Variants in SERPINA6 observed in about 807,000 individuals in gnomAD.
SERPINA6 encodes the protein corticosteroid-binding globulin.
SERPINA6 carries 19 observed loss-of-function variants against 26.4 expected under a neutral mutation model. The ratio of observed to expected loss-of-function variants is 0.72; its 90% CI spans 0.50 to 1.06. The LOEUF is 1.06. SERPINA6 is among the 50% of genes least tolerant of loss of function. SERPINA6 has a pLI of 0.00. For missense variants in SERPINA6, 473 were observed against 504.0 expected (o/e 0.94, Z 0.59); for synonymous variants, 196 against 199.4 (o/e 0.98, Z 0.14).
intron 3 of SERPINA6, 37 bp from the exon 4 acceptor site, chr14:94,306,255 G>A (rs777777231): frequency 3.1e-6 from 5 of 1,612,704 alleles, no homozygotes; most frequent in Admixed American, 3.3e-5. Context: ...GACATTCCAG[G>A]GCTGGGCCTG....
At chr14:94,310,392 G>A (rs906472342) in intron 2 of SERPINA6, among the ~76,000 whole-genome samples, 1 of 150,054 alleles carries the variant, frequency 6.7e-6, no homozygotes, top group African/African-American at 2.4e-5. Flanking sequence ...CAGAGTCCCT[G>A]GTGGGAAGCG....
chr14:94,320,101 G>C (rs1350266199), intron 1 of SERPINA6, among the ~76,000 whole-genome samples: 1 of 152,212 alleles, frequency 6.6e-6, no homozygotes, highest in Non-Finnish European at 1.5e-5. Flanking sequence ...CCTGTGCTGT[G>C]TGGAGCTACC....
At chr14:94,323,020 C>T (rs1895705643) in intron 1 of SERPINA6, among the ~76,000 whole-genome samples, 1 of 152,212 alleles carries the variant, frequency 6.6e-6, no homozygotes, top group Non-Finnish European at 1.5e-5. Context: ...TAGCTACAGC[C>T]CTCTGTGTCA....
rs1895574093 is a variant in SERPINA6 at position 94,314,123 on chromosome 14, T to C, written c.526A>G (p.Asn176Asp). ...TCGACAATTTTCCCCTGTGTCTTAT[T>C]CTTGACATAGCTGTTGATCTGTCTG... ...ASRQINSYVK[N>D]KTQGKIVDLF... Residue 176 changes from asparagine (N) to aspartate (D), a missense_variant, in exon 2 of 5, where the codon AAT becomes GAT. Physicochemically the swap from Asn to Asp is conservative, Grantham distance 23. Transcript: ENST00000341584. 6.2e-7 allele frequency: 1 copy of C among 1,614,210 alleles called. No homozygotes were observed. Among genetic ancestry groups the C allele is most frequent in the Non-Finnish European group, 8.5e-7 (1 of 1,180,036 alleles).
chr14:94,318,281 C>T (rs61980636), intron 1 of SERPINA6, among the ~76,000 whole-genome samples: 26,914 of 152,076 alleles, frequency 0.18, 3,191 homozygotes, highest in East Asian at 0.47. Flanking sequence ...CAATTCCTAT[C>T]AAAATTCCAG....
chr14:94,314,187 C>G lies in SERPINA6; in HGVS notation c.462G>C (p.Glu154Asp). 1 of 1,614,226 alleles carries G rather than the reference C, an allele frequency of 6.2e-7. No homozygotes were observed. The highest frequency in any genetic ancestry group is 1.1e-5 in the South Asian group (1 of 91,084). ...SADIKHYYES[E>D]VLAMNFQDWA... Reference sequence around the variant, plus strand: ...AGTCCTGGAAATTCATAGCCAAGACCTCTGACTCATAGTAGTGCTTGATGT... The same window carrying G: ...AGTCCTGGAAATTCATAGCCAAGACGTCTGACTCATAGTAGTGCTTGATGT... The change falls in exon 2 of 5, where the codon GAG becomes GAC. Residue 154 changes from glutamate to aspartate, a missense_variant. Glu to Asp is a conservative substitution (Grantham distance 45). Transcript: ENST00000341584.
At chr14:94,310,548 C>T (rs1287339985) in intron 2 of SERPINA6, among the ~76,000 whole-genome samples, 1 of 152,186 alleles carries the variant, frequency 6.6e-6, no homozygotes, top group Non-Finnish European at 1.5e-5. Context: ...CCACCCCCAG[C>T]AGGCCCTCAA....
chr14:94,313,999 A>G, intron 2 of SERPINA6, 37 bp downstream of exon 2: 1 of 1,612,864 alleles, frequency 6.2e-7, no homozygotes, highest in Non-Finnish European at 8.5e-7. Flanking sequence ...TCCTGGCCAT[A>G]GTGGATGGGC....
Position 94,304,536 on chromosome 14 carries a change from G to A in SERPINA6, c.1100C>T (p.Thr367Ile). The A allele has an allele frequency of 1.2e-6, 2 of 1,614,188 alleles. No homozygotes were observed. Among genetic ancestry groups the A allele is most frequent in the Non-Finnish European group, 1.7e-6 (2 of 1,180,026 alleles). Residue 367 changes from threonine to isoleucine, a missense_variant, in exon 5 of 5, where the codon ACC (threonine) becomes ATC (isoleucine). Transcript: ENST00000341584. ...GATAGGCTTGGACGTCAGGTTTAGG[G>A]TGACCCCAGTGGAGCCAGCTGTGTC... ...GVDTAGSTGV[T>I]LNLTSKPIIL... is the part of the protein sequence containing the mutation.
chr14:94,313,902 T>G (rs578066415), intron 2 of SERPINA6, 134 bp downstream of exon 2: 1 of 950,582 alleles, frequency 1.1e-6, no homozygotes, highest in Non-Finnish European at 1.7e-6. Context: ...AGGATTGTGG[T>G]GAAGATGGAG....
chr14:94,309,793 A>C lies in SERPINA6; in HGVS notation c.827T>G (p.Val276Gly). 1 of 1,614,152 alleles carries C rather than the reference A, an allele frequency of 6.2e-7. No homozygotes were observed. Among genetic ancestry groups the C allele is most frequent in the East Asian group, 2.2e-5 (1 of 44,874 alleles). ...ILPDKGKMNT[V>G]IAALSRDTIN... is the part of the protein sequence containing the mutation. The stretch of plus-strand genomic sequence containing the variant: ...CGTGTCCCGGCTCAGTGCAGCGATG[A>C]CTGTGTTCATCTTCCCCTTGTCCGG... The change falls in exon 3 of 5, where the codon GTC becomes GGC. Residue 276 changes from valine to glycine, a missense_variant. Physicochemically the swap from Val to Gly is moderately radical, Grantham distance 109. Transcript: ENST00000341584.
intron 3 of SERPINA6, among the ~76,000 whole-genome samples, chr14:94,308,243 A>G (rs1895471052): frequency 1.3e-5 from 2 of 152,154 alleles, no homozygotes; most frequent in African/African-American, 4.8e-5. Context: ...GGCATGTTAC[A>G]TATCTCTGTC....
intron 2 of SERPINA6, among the ~76,000 whole-genome samples, chr14:94,312,560 A>G (rs971005863): frequency 2.0e-4 from 31 of 152,352 alleles, no homozygotes; most frequent in African/African-American, 7.2e-4. Flanking sequence ...GGGAGCACAC[A>G]GAAGAGTTTC....
At chr14:94,313,986 T>C (rs1482710363) in intron 2 of SERPINA6, 50 bp downstream of exon 2, 9 of 1,608,002 alleles carry the variant, frequency 5.6e-6, no homozygotes, top group Non-Finnish European at 7.7e-6. Context: ...TAGCGGCTGT[T>C]ATTCCTGGCC....
chr14:94,313,930 T>C, intron 2 of SERPINA6, 106 bp downstream of exon 2: 7 of 1,177,896 alleles, frequency 5.9e-6, no homozygotes, highest in Non-Finnish European at 8.9e-6. Context: ...GATGTGTATG[T>C]GCTTTACAGA....
intron 1 of SERPINA6, among the ~76,000 whole-genome samples, chr14:94,322,847 G>A (rs1895702994): frequency 6.6e-6 from 1 of 152,178 alleles, no homozygotes; most frequent in South Asian, 2.1e-4. Flanking sequence ...GGCCAGCTGA[G>A]CCCTCCCAGG....
chr14:94,311,942 C>T (rs1056657180), intron 2 of SERPINA6, among the ~76,000 whole-genome samples: 2 of 151,534 alleles, frequency 1.3e-5, no homozygotes, highest in East Asian at 1.9e-4. Flanking sequence ...AGCAAGACTC[C>T]GTCTCAAAAA....
chr14:94,320,462 A>G (rs1398228170), intron 1 of SERPINA6, among the ~76,000 whole-genome samples: 2 of 152,208 alleles, frequency 1.3e-5, no homozygotes, highest in East Asian at 3.9e-4. Context: ...CTATCAGCCT[A>G]TGTGTGTATG....
At chr14:94,317,380 T>G (rs1372284863) in intron 1 of SERPINA6, among the ~76,000 whole-genome samples, 1 of 151,760 alleles carries the variant, frequency 6.6e-6, no homozygotes, top group Non-Finnish European at 1.5e-5. Flanking sequence ...TGTAAAGAGG[T>G]GCCTGGAGAA....
Sources: allele counts gnomAD v4.1 joint callset (sites outside exome capture counted in the v4.1 genomes callset), GRCh38; gene constraint gnomAD v4.1.1; transcripts MANE v1.5; gene names NCBI Gene and HGNC (gene_info 2026-07-23, HGNC 2026-07-21).